ARL15: variants seen among roughly 807,000 people sequenced by gnomAD.
ARL15 encodes ADP-ribosylation factor-like protein 15.
Under a neutral mutation model 25.2 loss-of-function variants are expected in ARL15, and 19 were observed. The ratio of observed to expected loss-of-function variants is 0.75; its 90% CI spans 0.53 to 1.10. The LOEUF is 1.10. Ranked by LOEUF, ARL15 falls within the 50% of genes least tolerant of loss-of-function variation. ARL15 has a pLI of 0.00. For synonymous variants in ARL15, 94 were observed against 86.8 expected, an observed-to-expected ratio of 1.08 and a Z score of -0.46; for missense variants, 220 against 246.0, an observed-to-expected ratio of 0.89 and a Z score of 0.71.
At chr5:54,015,402 T>G (rs1460837981) in intron 4 of ARL15, among the ~76,000 whole-genome samples, 1 of 152,182 alleles carries the variant, frequency 6.6e-6, no homozygotes, top group East Asian at 1.9e-4. Flanking sequence ...TCCCAAGCAT[T>G]TTGGATAAGG....
intron 4 of ARL15, among the ~76,000 whole-genome samples, chr5:54,067,580 T>C (rs1462657632): frequency 6.6e-6 from 1 of 152,204 alleles, no homozygotes; most frequent in Non-Finnish European, 1.5e-5. Context: ...AAGGAAGGCC[T>C]AATCACAGTC....
chr5:54,172,635 C>G (rs1160801089), intron 1 of ARL15, among the ~76,000 whole-genome samples: 1 of 152,176 alleles, frequency 6.6e-6, no homozygotes, highest in African/African-American at 2.4e-5. Context: ...CCACAATTAA[C>G]TGGCTCAGAA....
intron 4 of ARL15, among the ~76,000 whole-genome samples, chr5:54,058,616 G>T (rs988231006): frequency 6.6e-5 from 10 of 152,308 alleles, no homozygotes; most frequent in African/African-American, 2.2e-4. Flanking sequence ...AGAGGGAAAA[G>T]CACAAAAGCT....
chr5:54,225,275 T>C (rs1042101469), intron 1 of ARL15, among the ~76,000 whole-genome samples: 8 of 152,244 alleles, frequency 5.3e-5, no homozygotes, highest in African/African-American at 1.7e-4. Flanking sequence ...GAAAAAAAGA[T>C]GGCACCATGT....
At chr5:54,200,566 A>C (rs1343605579) in intron 1 of ARL15, among the ~76,000 whole-genome samples, 2 of 151,986 alleles carry the variant, frequency 1.3e-5, no homozygotes, top group Non-Finnish European at 2.9e-5. Flanking sequence ...CTTAAGTTAC[A>C]CCAGGAAGGA....
intron 4 of ARL15, among the ~76,000 whole-genome samples, chr5:54,058,117 T>C (rs935099437): frequency 5.3e-5 from 8 of 151,940 alleles, no homozygotes; most frequent in Admixed American, 2.0e-4. Context: ...GTGATTCCCC[T>C]GCCTCAGCCT....
At chr5:54,105,793 C>T (rs187392999) in intron 4 of ARL15, among the ~76,000 whole-genome samples, 240 of 152,094 alleles carry the variant, frequency 1.6e-3, no homozygotes, top group Middle Eastern at 3.4e-3. Context: ...ATGTTGGTCA[C>T]GCTGGTCTCG....
intron 1 of ARL15, among the ~76,000 whole-genome samples, chr5:54,256,184 A>G (rs1277496098): frequency 6.6e-6 from 1 of 152,144 alleles, no homozygotes; most frequent in East Asian, 1.9e-4. Flanking sequence ...AAGAAAAAGA[A>G]GAGAGAAGGT....
intron 1 of ARL15, among the ~76,000 whole-genome samples, chr5:54,264,668 C>T (rs1314340889): frequency 6.6e-6 from 1 of 152,168 alleles, no homozygotes; most frequent in Non-Finnish European, 1.5e-5. Flanking sequence ...AGAATTGCTC[C>T]TGTCTTAGGA....
At chr5:54,274,155 A>G (rs1022465912) in intron 1 of ARL15, among the ~76,000 whole-genome samples, 2 of 152,106 alleles carry the variant, frequency 1.3e-5, no homozygotes, top group African/African-American at 4.8e-5. Context: ...CTGTGGTGCC[A>G]GTCACTGAGA....
chr5:53,960,305 C>G (rs1029609773), intron 4 of ARL15, among the ~76,000 whole-genome samples: 2 of 152,142 alleles, frequency 1.3e-5, no homozygotes, highest in Non-Finnish European at 2.9e-5. Flanking sequence ...AACAAGAACA[C>G]TAAAACACAT....
chr5:54,062,523 A>AC (rs1417283804), intron 4 of ARL15, among the ~76,000 whole-genome samples: 1 of 150,924 alleles, frequency 6.6e-6, no homozygotes, highest in Non-Finnish European at 1.5e-5. Context: ...TAAGGAAAAA[A>AC]AAAAAAAAAA....
intron 4 of ARL15, among the ~76,000 whole-genome samples, chr5:53,907,457 CATATATATATATATATATAT>C (rs1174664612): frequency 4.2e-5 from 1 of 23,850 alleles, no homozygotes; most frequent in Non-Finnish European, 7.0e-5. Context: ...CTTAAGAGTT[CATATATATATATATATATAT>C]ATATATATAT....
intron 1 of ARL15, among the ~76,000 whole-genome samples, chr5:54,245,820 T>G (rs367883649): frequency 3.3e-5 from 5 of 152,102 alleles, no homozygotes; most frequent in African/African-American, 1.2e-4. Flanking sequence ...ACTCCTGACC[T>G]CAAGTGATCC....
intron 4 of ARL15, among the ~76,000 whole-genome samples, chr5:53,960,442 A>G (rs1230928767): frequency 6.6e-6 from 1 of 152,224 alleles, no homozygotes; most frequent in East Asian, 1.9e-4. Context: ...GCTAGGGCAC[A>G]AAGATTTCCT....
intron 2 of ARL15, among the ~76,000 whole-genome samples, chr5:54,165,555 G>A (rs1168790900): frequency 1.3e-5 from 2 of 150,692 alleles, no homozygotes; most frequent in African/African-American, 4.9e-5. Context: ...TTTTTCCAGT[G>A]AAAAAATGTG....
intron 4 of ARL15, among the ~76,000 whole-genome samples, chr5:54,016,889 CTTA>C (rs1300802108): frequency 6.6e-6 from 1 of 152,188 alleles, no homozygotes; most frequent in Non-Finnish European, 1.5e-5. Flanking sequence ...TTCCCTCCCT[CTTA>C]TTTAAAACAA....
At chr5:54,268,295 C>T (rs1333734100) in intron 1 of ARL15, among the ~76,000 whole-genome samples, 1 of 152,068 alleles carries the variant, frequency 6.6e-6, no homozygotes, top group East Asian at 1.9e-4. Flanking sequence ...ACGTAGTTCT[C>T]GAGCCTTGGC....
chr5:54,243,356 T>C (rs996854276), intron 1 of ARL15, among the ~76,000 whole-genome samples: 2 of 152,222 alleles, frequency 1.3e-5, no homozygotes, highest in African/African-American at 4.8e-5. Flanking sequence ...AAATATAACA[T>C]ATTCAAGCTG....
Sources: allele counts gnomAD v4.1 joint callset (sites outside exome capture counted in the v4.1 genomes callset), GRCh38; gene constraint gnomAD v4.1.1; transcripts MANE v1.5; gene names NCBI Gene and HGNC (gene_info 2026-07-23, HGNC 2026-07-21).